The following ANKDD1B variants were observed in gnomAD, a reference collection of about 807,000 sequenced individuals.
ANKDD1B encodes ankyrin repeat and death domain containing 1B.
A neutral mutation model predicts 59.7 loss-of-function variants in ANKDD1B; 57 were observed. That is an observed-to-expected ratio of 0.95 (90% CI 0.77 to 1.19). ANKDD1B has a LOEUF of 1.19. Among genes scored for constraint, ANKDD1B ranks in the 50% most tolerant of loss-of-function variants. The pLI, the probability that ANKDD1B is intolerant of heterozygous loss-of-function variation, is 0.00. For missense variants in ANKDD1B, 602 were observed against 641.9 expected, an observed-to-expected ratio of 0.94 and a Z score of 0.67; for synonymous variants, 216 against 239.5, an observed-to-expected ratio of 0.90 and a Z score of 0.91.
At chr5:75,632,395 G>T (rs1017921192) in intron 5 of ANKDD1B, among the ~76,000 whole-genome samples, 3 of 152,112 alleles carry the variant, frequency 2.0e-5, no homozygotes, top group African/African-American at 7.2e-5. Flanking sequence ...TCATTCTTAG[G>T]CAGGGTCTTC....
At position 75,671,215 on chromosome 5, in the gene ANKDD1B, AAT is replaced by A. The variant is rs1775473905; in HGVS notation, c.*179_*180del. 2.6e-6 allele frequency: 1 copy of A among 379,440 alleles called. No individual in the cohort carries two copies. Among genetic ancestry groups the A allele is most frequent in the Non-Finnish European group, 4.7e-6 (1 of 214,884 alleles). The allele number at this position is 379,440 out of a possible 1,614,324, so 23.5% of individuals were successfully genotyped here. On this transcript the variant is annotated 3_prime_UTR_variant, in exon 14 of 14. Coordinates refer to ENST00000601380, the MANE Select transcript of ANKDD1B (RefSeq NM_001276713.2). ...ATACTTTTCAACCACTAAAAAGTCA[AAT>A]ATAGTTTTTTTTGCTGAGGGCAAGT...
At chr5:75,631,675 T>C (rs1774164260) in intron 5 of ANKDD1B, among the ~76,000 whole-genome samples, 1 of 152,252 alleles carries the variant, frequency 6.6e-6, no homozygotes. Context: ...GACAGCTATG[T>C]GGACCGTGTC....
chr5:75,637,255 A>G (rs1487929001), intron 7 of ANKDD1B, among the ~76,000 whole-genome samples: 4 of 55,116 alleles, frequency 7.3e-5, no homozygotes, highest in Non-Finnish European at 2.0e-4. Flanking sequence ...AAAAAAAAAA[A>G]AAAAAAAAAA....
chr5:75,671,211 G>A lies in ANKDD1B; in HGVS notation c.*171G>A. ...CATGATACTTTTCAACCACTAAAAA[G>A]TCAAATATAGTTTTTTTTGCTGAGG... On this transcript the variant is annotated 3_prime_UTR_variant, in exon 14 of 14. Coordinates refer to ENST00000601380, the MANE Select transcript of ANKDD1B (RefSeq NM_001276713.2). 2.6e-6 allele frequency: 1 copy of A among 378,894 alleles called. No individual in the cohort carries two copies. Among genetic ancestry groups the A allele is most frequent in the Non-Finnish European group, 4.7e-6 (1 of 214,632 alleles). 23.5% of individuals were successfully genotyped at this position (378,894 alleles called of 1,614,324 possible).
In ANKDD1B at chr5:75,635,766, A is replaced by C; in HGVS notation, c.700-18A>C. ...TCCTGGCACAGGGGTTTCTACGTCG[A>C]GTGTGTCTCTGTTGCAGGGGGGAAA... On this transcript the variant is annotated intron_variant, in intron 6 of 13. Transcript: ENST00000601380. 6.7e-7 allele frequency: 1 copy of C among 1,492,406 alleles called. No individual in the cohort carries two copies. The highest frequency in any genetic ancestry group is 2.5e-5 in the East Asian group (1 of 40,258). The allele number at this position is 1,492,406 out of a possible 1,614,324, so 92.4% of individuals were successfully genotyped here.
intron 3 of ANKDD1B, among the ~76,000 whole-genome samples, chr5:75,623,517 A>T (rs962200807): frequency 6.6e-6 from 1 of 152,224 alleles, no homozygotes; most frequent in African/African-American, 2.4e-5. Flanking sequence ...TCTTTGGAAC[A>T]AAGAGTCCAG....
chr5:75,663,295 G>A (rs2112025138), intron 10 of ANKDD1B, 99 bp from the exon 11 acceptor site: 2 of 868,898 alleles, frequency 2.3e-6, no homozygotes, highest in East Asian at 2.6e-5. Flanking sequence ...AGCATGGGCT[G>A]GTAGAATCAA....
intron 3 of ANKDD1B, among the ~76,000 whole-genome samples, chr5:75,622,340 T>G (rs571332240): frequency 2.0e-5 from 3 of 152,202 alleles, no homozygotes; most frequent in Non-Finnish European, 4.4e-5. Flanking sequence ...TCTGCATTTT[T>G]AAAAAATTCC....
intron 1 of ANKDD1B, 23 bp from the exon 2 acceptor site, chr5:75,616,781 A>G: frequency 8.0e-7 from 1 of 1,243,724 alleles, no homozygotes; most frequent in Non-Finnish European, 1.1e-6. Context: ...TCCCTCAGTC[A>G]TGCTTGCTTT....
At chr5:75,648,515 T>C (rs1774721221) in intron 7 of ANKDD1B, among the ~76,000 whole-genome samples, 1 of 152,196 alleles carries the variant, frequency 6.6e-6, no homozygotes, top group African/African-American at 2.4e-5. Context: ...GTGATTTTCA[T>C]ATGCACACGT....
At chr5:75,630,680 G>T (rs540902416) in intron 5 of ANKDD1B, among the ~76,000 whole-genome samples, 1 of 152,208 alleles carries the variant, frequency 6.6e-6, no homozygotes, top group African/African-American at 2.4e-5. Flanking sequence ...AATTCTTTCT[G>T]TTGTAAAGAC....
intron 13 of ANKDD1B, among the ~76,000 whole-genome samples, chr5:75,670,448 C>T (rs1455500263): frequency 6.6e-6 from 1 of 152,172 alleles, no homozygotes; most frequent in African/African-American, 2.4e-5. Flanking sequence ...AAGATTCATT[C>T]CATGAATCCA....
intron 2 of ANKDD1B, 123 bp downstream of exon 2, chr5:75,617,030 T>C: frequency 1.9e-6 from 1 of 524,446 alleles, no homozygotes. Flanking sequence ...GAGAGCTGCT[T>C]TGTTGGTAAT....
Position 75,668,407 on chromosome 5 carries a change from A to T in ANKDD1B, c.1394-845A>T, listed in dbSNP as rs571043599. Among the ~76,000 whole-genome samples, 20 of 152,290 alleles carry T rather than the reference A, an allele frequency of 1.3e-4. No homozygotes were observed. In the South Asian group the frequency reaches 1.9e-3, roughly 14 times the overall value. On this transcript the variant is annotated intron_variant, in intron 12 of 13. Transcript: ENST00000601380. ...CAGACTCATGATGGTATTTAAGAAA[A>T]ATTAGTTTGTCAAGAGCAAGATTAG...
rs139458716 is a variant in ANKDD1B, at chr5:75,613,400, C to T, written c.193+1573C>T. 1.1e-3 allele frequency among the ~76,000 whole-genome samples: 173 copies of T among 152,170 alleles called. 1 individual carries two copies. The highest frequency in any genetic ancestry group is 4.6e-3 in the South Asian group (22 of 4,826). The stretch of plus-strand genomic sequence containing the variant: ...ATTTCCAGGAGATTGACATATGAAA[C>T]ACTTGAAAAGATAAAAGGGGATGGG... On this transcript the variant is annotated intron_variant, in intron 1 of 13. Transcript: ENST00000601380.
chr5:75,636,893 T>C (rs1774318829), intron 7 of ANKDD1B, among the ~76,000 whole-genome samples: 1 of 151,782 alleles, frequency 6.6e-6, no homozygotes, highest in South Asian at 2.1e-4. Context: ...AGGGCTTGAA[T>C]GGGTTTGTTT....
rs560141510 is a variant in ANKDD1B at position 75,611,473 on chromosome 5, A to T, written c.-162A>T. On this transcript the variant is annotated 5_prime_UTR_variant, in exon 1 of 14. Coordinates refer to ENST00000601380, the MANE Select transcript of ANKDD1B (RefSeq NM_001276713.2). ...GGCTTGTTGCCCAGCGAACCGCCAC[A>T]ACAGAGAGCGGACTCGATCCTGCGC... The T allele has an allele frequency of 1.2e-4, 55 of 478,220 alleles. No homozygotes were observed. Among genetic ancestry groups the T allele is most frequent in the Admixed American group, 9.2e-4 (21 of 22,792 alleles). The allele number at this position is 478,220 out of a possible 1,614,324, so 29.6% of individuals were successfully genotyped here. A position where few individuals can be genotyped will look rare whatever the true frequency, so the allele number is the denominator to read the frequency against.
intron 11 of ANKDD1B, among the ~76,000 whole-genome samples, chr5:75,665,974 T>C (rs1311716595): frequency 1.3e-5 from 2 of 152,336 alleles, no homozygotes; most frequent in African/African-American, 2.4e-5. Flanking sequence ...GGGCCACTTG[T>C]CCTGCATGTC....
chr5:75,614,539 C>T (rs1409714434), intron 1 of ANKDD1B, among the ~76,000 whole-genome samples: 1 of 152,150 alleles, frequency 6.6e-6, no homozygotes, highest in African/African-American at 2.4e-5. Context: ...TGTCCCAATA[C>T]CAAGTTGATG....
Sources: gnomAD v4.1 joint callset for allele counts (sites outside exome capture counted in the v4.1 genomes callset) on GRCh38, gnomAD v4.1.1 for gene constraint, MANE v1.5 for transcripts, NCBI Gene and HGNC (gene_info 2026-07-23, HGNC 2026-07-21) for gene names.